RPS19BP1: variants seen among roughly 807,000 people sequenced by gnomAD.
RPS19BP1 encodes active regulator of SIRT1.
A neutral mutation model predicts 16.6 loss-of-function variants in RPS19BP1; 14 were observed. The observed-to-expected ratio is 0.84, with a 90% CI of 0.56 to 1.32. The LOEUF is 1.32. Ranked by LOEUF, RPS19BP1 falls within the 40% of genes most tolerant of loss-of-function variation. RPS19BP1 has a pLI of 0.00. For synonymous variants in RPS19BP1, 90 were observed against 77.3 expected, an observed-to-expected ratio of 1.16 and a Z score of -0.86; for missense variants, 188 against 178.6, an observed-to-expected ratio of 1.05 and a Z score of -0.30.
intron 2 of RPS19BP1, chr22:39,530,856 G>A (rs1028320): frequency 0.39 from 59,106 of 151,976 alleles, 12,695 homozygotes; most frequent in African/African-American, 0.58. Flanking sequence ...CCCTAAGACC[G>A]CCACCTTTTA....
intron 2 of RPS19BP1, chr22:39,531,591 C>T (rs13347223): frequency 6.6e-6 from 1 of 152,212 alleles, no homozygotes; most frequent in Non-Finnish European, 1.5e-5. Flanking sequence ...TCTCTGCTGC[C>T]CCCTCTTTAA....
intron 2 of RPS19BP1, chr22:39,531,416 C>T (rs898525012): frequency 2.0e-5 from 3 of 152,250 alleles, no homozygotes; most frequent in Non-Finnish European, 2.9e-5. Flanking sequence ...GATTCAGACA[C>T]AGTAAGAGCT....
At chr22:39,530,532 T>C in intron 2 of RPS19BP1, 1 of 274,544 alleles carries the variant, frequency 3.6e-6, no homozygotes, top group Non-Finnish European at 7.5e-6. Context: ...GAGATCAGCG[T>C]GGCCAACATG....
In RPS19BP1 at chr22:39,531,319, A is replaced by G. The variant is rs142981882; in HGVS notation, c.181+1076T>C. The G allele has an allele frequency of 9.8e-5, 15 of 152,366 alleles. No individual in the cohort carries two copies. The East Asian group carries it at 1.7e-3, about 18-fold the overall frequency. The allele number at this position is 152,366 out of a possible 1,614,324, so 9.4% of individuals were successfully genotyped here. ...AAACCTGTCTCACTTTCCTGCCTCCAGACTTTGGCTTAAGTTGTATTTCCT... is the reference window on the plus strand; with the variant it reads ...AAACCTGTCTCACTTTCCTGCCTCCGGACTTTGGCTTAAGTTGTATTTCCT... On this transcript the variant is annotated intron_variant, in intron 2 of 3. Coordinates refer to ENST00000334678, the MANE Select transcript of RPS19BP1 (RefSeq NM_194326.4).
Position 39,529,587 on chromosome 22 carries a change from G to T in RPS19BP1, c.316C>A (p.Arg106=), listed in dbSNP as rs936649628. The change falls in exon 4 of 4, where the codon CGG becomes AGG. Residue 106 remains arginine (R), a synonymous_variant. Coordinates refer to ENST00000334678, the MANE Select transcript of RPS19BP1 (RefSeq NM_194326.4). ...RQNRGRKACD[R]PVAKTKKKKA... ...TTCTTCTTGGTCTTGGCCACAGGCC[G>T]GTCACAGGCCTTGCGGCCCCGGTTC... 6.2e-7 allele frequency: 1 copy of T among 1,614,166 alleles called. No individual in the cohort carries two copies. The highest frequency in any genetic ancestry group is 1.3e-5 in the African/African-American group (1 of 75,044).
chr22:39,532,066 A>C, intron 2 of RPS19BP1: 1 of 313,188 alleles, frequency 3.2e-6, no homozygotes, highest in Non-Finnish European at 6.0e-6. Flanking sequence ...CTCGGCTGAA[A>C]TGTCGCTTCC....
At chr22:39,530,738 AAC>A (rs1292332664) in intron 2 of RPS19BP1, 4 of 155,368 alleles carry the variant, frequency 2.6e-5, no homozygotes, top group African/African-American at 9.7e-5. Context: ...AAAAAAAAAA[AAC>A]AAACCAAAAA....
At chr22:39,531,023 T>C (rs1419088664) in intron 2 of RPS19BP1, 2 of 152,276 alleles carry the variant, frequency 1.3e-5, no homozygotes, top group African/African-American at 4.8e-5. Flanking sequence ...CAAGAGACGA[T>C]GCAGCTTGGA....
At chr22:39,529,979 C>G in intron 2 of RPS19BP1, 62 bp from the exon 3 acceptor site, 2 of 1,376,766 alleles carry the variant, frequency 1.5e-6, no homozygotes, top group Non-Finnish European at 2.1e-6. Flanking sequence ...ATTCTCAGTC[C>G]CTGGCCCATG....
chr22:39,529,661 G>A lies in RPS19BP1; in HGVS notation c.280-38C>T, dbSNP rs762493734. 6 of 1,610,414 alleles carry A rather than the reference G, an allele frequency of 3.7e-6. No individual in the cohort carries two copies. The South Asian group carries it at 5.5e-5, about 15-fold the overall frequency. ...CGGGACCGAGGGCCCATCATTTCAAGAGCAGAGGAGGCCCGCAAAGGTCAC... is the reference window on the plus strand; with the variant it reads ...CGGGACCGAGGGCCCATCATTTCAAAAGCAGAGGAGGCCCGCAAAGGTCAC... On this transcript the variant is annotated intron_variant, in intron 3 of 3. Coordinates refer to ENST00000334678, the MANE Select transcript of RPS19BP1 (RefSeq NM_194326.4).
At chr22:39,532,285 AGGTCT>A (rs1931331242) in intron 2 of RPS19BP1, 105 bp downstream of exon 2, 7 of 1,488,296 alleles carry the variant, frequency 4.7e-6, no homozygotes, top group Non-Finnish European at 6.5e-6. Context: ...GGCACACAGT[AGGTCT>A]AGCAATACCG....
rs1931258953 is a variant in RPS19BP1 at position 39,529,845 on chromosome 22, G to A, written c.254C>T (p.Thr85Ile). The A allele has an allele frequency of 6.2e-7, 1 of 1,614,034 alleles. No homozygotes were observed. The highest frequency in any genetic ancestry group is 1.1e-5 in the South Asian group (1 of 91,094). The change falls in exon 3 of 4, where the codon ACC becomes ATC. Residue 85 changes from threonine (T) to isoleucine (I), a missense_variant. Thr to Ile is a moderately conservative substitution (Grantham distance 89). Transcript: ENST00000334678. ...NLKFLTRTRSTVAESVSQQIL... is the reference protein window; with the variant it reads ...NLKFLTRTRSIVAESVSQQIL... ...CTGCTGGCTCACAGACTCAGCCACG[G>A]TGCTTCTCGTCCTGGTCAGAAACTT...
chr22:39,530,345 G>C (rs1931275175), intron 2 of RPS19BP1: 1 of 218,604 alleles, frequency 4.6e-6, no homozygotes, highest in South Asian at 5.1e-5. Flanking sequence ...GGATATCCGG[G>C]GAAAGAGCAT....
At position 39,532,541 on chromosome 22, in the gene RPS19BP1, G is replaced by A. The variant is rs1931344312; in HGVS notation, c.53-18C>T. ...CCGGGGGGCTGTAGGGGAAGAGAGA[G>A]GAAGAGACCCAGGTCAGAGGGCGCG... On this transcript the variant is annotated intron_variant, in intron 1 of 3. Coordinates refer to ENST00000334678, the MANE Select transcript of RPS19BP1 (RefSeq NM_194326.4). 6.2e-7 allele frequency: 1 copy of A among 1,613,396 alleles called. No individual in the cohort carries two copies. The highest frequency in any genetic ancestry group is 8.5e-7 in the Non-Finnish European group (1 of 1,179,854).
intron 1 of RPS19BP1, 60 bp downstream of exon 1, chr22:39,532,627 G>C: frequency 6.3e-7 from 1 of 1,592,972 alleles, no homozygotes; most frequent in East Asian, 2.3e-5. Context: ...CAGGGCTCCC[G>C]CCCGCAGCCA....
Position 39,529,370 on chromosome 22 carries a change from C to T in RPS19BP1, c.*122G>A. The T allele has an allele frequency of 7.3e-7, 1 of 1,369,150 alleles. No individual in the cohort carries two copies. Among genetic ancestry groups the T allele is most frequent in the Non-Finnish European group, 9.9e-7 (1 of 1,006,174 alleles). The allele number at this position is 1,369,150 out of a possible 1,614,324, so 84.8% of individuals were successfully genotyped here. ...TCCACTCGGCTCAGCTCCGCGGCTT[C>T]CTCGAGCCAGGCTGGTCCTGCATCG... On this transcript the variant is annotated 3_prime_UTR_variant, in exon 4 of 4. Coordinates refer to ENST00000334678, the MANE Select transcript of RPS19BP1 (RefSeq NM_194326.4).
At position 39,529,300 on chromosome 22, in the gene RPS19BP1, G is replaced by T; in HGVS notation, c.*192C>A. 1.4e-6 allele frequency: 1 copy of T among 719,132 alleles called. No individual in the cohort carries two copies. Among genetic ancestry groups the T allele is most frequent in the Non-Finnish European group, 2.2e-6 (1 of 444,686 alleles). 44.5% of individuals were successfully genotyped at this position (719,132 alleles called of 1,614,324 possible). On this transcript the variant is annotated 3_prime_UTR_variant, in exon 4 of 4. Coordinates refer to ENST00000334678, the MANE Select transcript of RPS19BP1 (RefSeq NM_194326.4). ...TGCGGAAGCCAGCTCCGGTCTGTGT[G>T]TAAATCCTCCCCAGGACTTCCGGCC...
At chr22:39,530,106 C>A in intron 2 of RPS19BP1, 189 bp from the exon 3 acceptor site, 1 of 602,960 alleles carries the variant, frequency 1.7e-6, no homozygotes, top group Non-Finnish European at 2.9e-6. Flanking sequence ...TGGCCCCCAC[C>A]CCCATTTTCC....
In RPS19BP1 at chr22:39,532,724, C is replaced by G. The variant is rs1027825455; in HGVS notation, c.15G>C (p.Leu5=). The stretch of plus-strand genomic sequence containing the variant: ...CCAGCAGCTCCAGGCCCCGCCGCAG[C>G]AGGGCGGCGGACATGGCGGCGCTTG... MSAA[L]LRRGLELLAA... The change falls in exon 1 of 4, where the codon CTG becomes CTC. Residue 5 remains leucine (L), a synonymous_variant. Transcript: ENST00000334678. The G allele has an allele frequency of 1.3e-6, 2 of 1,544,512 alleles. No homozygotes were observed. Among genetic ancestry groups the G allele is most frequent in the African/African-American group, 1.4e-5 (1 of 73,194 alleles).
Sources: allele counts gnomAD v4.1 joint callset, GRCh38; gene constraint gnomAD v4.1.1; transcripts MANE v1.5; gene names NCBI Gene and HGNC (gene_info 2026-07-23, HGNC 2026-07-21).